Variants in P4HA1 observed in about 807,000 individuals in gnomAD.
P4HA1 encodes the protein prolyl 4-hydroxylase subunit alpha 1, also known as prolyl 4-hydroxylase subunit alpha-1.
In P4HA1, 24 loss-of-function variants were observed where a neutral mutation model predicts 72.8. The ratio of observed to expected loss-of-function variants is 0.33; its 90% confidence interval spans 0.24 to 0.46. The LOEUF (loss-of-function observed/expected upper bound fraction) is 0.46. P4HA1 is among the 20% of genes least tolerant of loss of function. P4HA1 has a pLI of 1.00. For synonymous variants in P4HA1, 201 were observed against 218.8 expected (o/e 0.92, Z 0.72); for missense variants, 446 against 640.6 (o/e 0.70, Z 3.28).
chr10:73,009,243 T>A (rs1839859214), intron 14 of P4HA1, among the ~76,000 whole-genome samples: 1 of 152,174 alleles, frequency 6.6e-6, no homozygotes, highest in Admixed American at 6.5e-5. Flanking sequence ...TTAATAGATA[T>A]TAAAACTAAT....
At chr10:73,048,577 T>C (rs1241242806) in intron 7 of P4HA1, among the ~76,000 whole-genome samples, 1 of 152,182 alleles carries the variant, frequency 6.6e-6, no homozygotes, top group Admixed American at 6.5e-5. Context: ...AATGTTCTTT[T>C]GATCTTAGGC....
At chr10:73,094,436 G>A (rs754940247) in intron 1 of P4HA1, among the ~76,000 whole-genome samples, 2 of 152,128 alleles carry the variant, frequency 1.3e-5, no homozygotes, top group African/African-American at 2.4e-5. Context: ...TCCATGTAGG[G>A]TGTATTTGCA....
At chr10:73,018,125 C>T (rs1020280057) in intron 10 of P4HA1, among the ~76,000 whole-genome samples, 4 of 152,174 alleles carry the variant, frequency 2.6e-5, no homozygotes, top group African/African-American at 9.7e-5. Context: ...GGTGGAACTG[C>T]TCTACCCACC....
chr10:73,072,203 C>G, intron 3 of P4HA1, 23 bp from the exon 4 acceptor site: 1 of 1,578,038 alleles, frequency 6.3e-7, no homozygotes, highest in Non-Finnish European at 8.6e-7. Context: ...AACATAAAAA[C>G]TGAATATTTA....
chr10:73,094,124 T>C (rs1842112880), intron 1 of P4HA1, among the ~76,000 whole-genome samples: 1 of 151,804 alleles, frequency 6.6e-6, no homozygotes, highest in Non-Finnish European at 1.5e-5. Context: ...TAAGTTACCA[T>C]ATATAGGAGA....
intron 9 of P4HA1, among the ~76,000 whole-genome samples, chr10:73,038,657 C>T (rs1393729986): frequency 1.1e-5 from 1 of 89,394 alleles, no homozygotes; most frequent in Non-Finnish European, 1.8e-5. Context: ...GACGGAGTCT[C>T]GCTCTGTCGC....
At chr10:73,057,893 C>T (rs138198475) in intron 5 of P4HA1, among the ~76,000 whole-genome samples, 2,122 of 151,874 alleles carry the variant, frequency 0.014, 29 homozygotes, top group Middle Eastern at 0.038. Context: ...AGATCGAGAC[C>T]AGCCTGGGCA....
chr10:73,084,011 C>CATAG (rs1841875827), intron 1 of P4HA1, among the ~76,000 whole-genome samples: 2 of 152,104 alleles, frequency 1.3e-5, no homozygotes, highest in South Asian at 4.2e-4. Flanking sequence ...ATAGATAAAT[C>CATAG]ATAGAGTTAG....
At chr10:73,067,304 C>A (rs1163654090) in intron 5 of P4HA1, among the ~76,000 whole-genome samples, 2 of 152,210 alleles carry the variant, frequency 1.3e-5, no homozygotes, top group Non-Finnish European at 2.9e-5. Flanking sequence ...ATATTTGCAA[C>A]AGCCTCCTCC....
intron 10 of P4HA1, among the ~76,000 whole-genome samples, chr10:73,028,987 C>T (rs1423732535): frequency 6.6e-6 from 1 of 151,008 alleles, no homozygotes; most frequent in African/African-American, 2.4e-5. Flanking sequence ...AGAGGTCGCA[C>T]TGATCCAAGA....
At chr10:73,063,541 A>G (rs1259138864) in intron 5 of P4HA1, among the ~76,000 whole-genome samples, 1 of 152,256 alleles carries the variant, frequency 6.6e-6, no homozygotes, top group Non-Finnish European at 1.5e-5. Context: ...CTAAAGATGC[A>G]TATTAAATTT....
At chr10:73,041,005 CTG>C (rs1404255684) in intron 9 of P4HA1, among the ~76,000 whole-genome samples, 1 of 152,108 alleles carries the variant, frequency 6.6e-6, no homozygotes, top group Admixed American at 6.6e-5. Flanking sequence ...TTCAGAAGCA[CTG>C]TAAATCATAT....
intron 3 of P4HA1, 52 bp from the exon 4 acceptor site, chr10:73,072,232 A>C (rs759717878): frequency 6.9e-7 from 1 of 1,447,732 alleles, no homozygotes; most frequent in Non-Finnish European, 9.5e-7. Context: ...AGGGAAAAAC[A>C]CAATTTAATG....
intron 9 of P4HA1, among the ~76,000 whole-genome samples, chr10:73,039,359 T>G (rs1419900195): frequency 1.3e-5 from 2 of 152,014 alleles, no homozygotes; most frequent in African/African-American, 4.8e-5. Context: ...CAGGCTGGAG[T>G]GCAGTGGCGC....
chr10:73,016,990 G>C (rs1451812188), intron 10 of P4HA1, 91 bp from the exon 11 acceptor site: 3 of 855,272 alleles, frequency 3.5e-6, no homozygotes, highest in African/African-American at 1.7e-5. Context: ...GACTTTTATA[G>C]ATCATGGTCA....
intron 8 of P4HA1, among the ~76,000 whole-genome samples, chr10:73,045,413 A>G (rs1480264368): frequency 1.3e-5 from 2 of 152,134 alleles, no homozygotes; most frequent in Non-Finnish European, 2.9e-5. Context: ...GAAGGGGAAA[A>G]AAAGAAGAAT....
rs188069394 is a variant in P4HA1, at chr10:73,047,178, G to C, written c.901-77C>G. The C allele has an allele frequency of 1.5e-5, 16 of 1,033,482 alleles. No individual in the cohort carries two copies. The East Asian group carries it at 3.9e-4, about 25-fold the overall frequency. The allele number at this position is 1,033,482 out of a possible 1,614,324, so 64.0% of individuals were successfully genotyped here. On this transcript the variant is annotated intron_variant, in intron 7 of 14. Transcript: ENST00000394890. Reference sequence around the variant, plus strand: ...AATATCTATTCCTATGCAGATAAGAGACAATAATCATGCTTGCATATACAG... The same window carrying C: ...AATATCTATTCCTATGCAGATAAGACACAATAATCATGCTTGCATATACAG...
At chr10:73,091,234 G>A (rs1589634520) in intron 1 of P4HA1, among the ~76,000 whole-genome samples, 1 of 152,110 alleles carries the variant, frequency 6.6e-6, no homozygotes, top group Admixed American at 6.6e-5. Flanking sequence ...CATAGGGCAA[G>A]AACAAAGGTC....
At chr10:73,047,266 T>A (rs749522278) in intron 7 of P4HA1, among the ~76,000 whole-genome samples, 165 bp from the exon 8 acceptor site, 1 of 152,096 alleles carries the variant, frequency 6.6e-6, no homozygotes, top group Non-Finnish European at 1.5e-5. Context: ...TCAAACAGGA[T>A]GTTCAGAATT....
Sources: gnomAD v4.1 joint callset for allele counts (sites outside exome capture counted in the v4.1 genomes callset) on GRCh38, gnomAD v4.1.1 for gene constraint, MANE v1.5 for transcripts, NCBI Gene and HGNC (gene_info 2026-07-23, HGNC 2026-07-21) for gene names.